Variants in SCRN1 observed in about 807,000 individuals in gnomAD.
SCRN1 encodes secernin 1.
SCRN1 carries 19 observed loss-of-function variants against 43.3 expected under a neutral mutation model. The observed-to-expected ratio is 0.44, with a 90% CI of 0.31 to 0.64. The LOEUF (loss-of-function observed/expected upper bound fraction) is 0.64, where lower values mean the gene tolerates loss of function less well. Ranked by LOEUF, SCRN1 falls within the 30% of genes least tolerant of loss-of-function variation. The pLI is 0.09. For missense variants in SCRN1, 447 were observed against 524.1 expected, an observed-to-expected ratio of 0.85 and a Z score of 1.44; for synonymous variants, 183 against 188.9, an observed-to-expected ratio of 0.97 and a Z score of 0.26.
chr7:29,931,112 C>T (rs1051026781), intron 6 of SCRN1, among the ~76,000 whole-genome samples: 1 of 152,238 alleles, frequency 6.6e-6, no homozygotes, highest in African/African-American at 2.4e-5. Context: ...TATACCATTA[C>T]CTCATCTGTC....
intron 4 of SCRN1, among the ~76,000 whole-genome samples, chr7:29,941,203 A>G (rs1187526841): frequency 2.6e-5 from 4 of 152,196 alleles, no homozygotes; most frequent in Non-Finnish European, 5.9e-5. Flanking sequence ...TACATGCAAA[A>G]AAAGGGACAG....
chr7:29,941,956 A>C (rs1298829003), intron 4 of SCRN1, among the ~76,000 whole-genome samples: 2 of 152,162 alleles, frequency 1.3e-5, no homozygotes, highest in African/African-American at 2.4e-5. Flanking sequence ...TTGCCTGAAA[A>C]CCAGTTCCTA....
In SCRN1 at chr7:29,932,688, C is replaced by T. The variant is rs572256050; in HGVS notation, c.905+3868G>A. The stretch of plus-strand genomic sequence containing the variant: ...AAAAAAAAAAAAAAAAAGATTAGTA[C>T]ACTGAGAGGAGAAGAGGAGGAAACA... On this transcript the variant is annotated intron_variant, in intron 6 of 7. Transcript: ENST00000242059. Among the ~76,000 whole-genome samples the T allele has an allele frequency of 9.7e-5, 12 of 124,136 alleles. 1 individual carries two copies. The East Asian group carries it at 2.8e-3, about 29-fold the overall frequency. 81.4% of individuals were successfully genotyped at this position (124,136 alleles called of 152,430 possible).
Position 29,936,600 on chromosome 7 carries a change from G to A in SCRN1, c.861C>T (p.Ser287=), listed in dbSNP as rs1287713679. ...SGVSVLPQNR[S]SPCIHYFTGT... Reference sequence around the variant, plus strand: ...CAGTGAAGTAGTGAATGCACGGAGAGCTTCTATTCTGCGGCAGGACAGACA... The same window carrying A: ...CAGTGAAGTAGTGAATGCACGGAGAACTTCTATTCTGCGGCAGGACAGACA... The change falls in exon 6 of 8, where the codon AGC becomes AGT. Residue 287 remains serine (S), a synonymous_variant. Transcript: ENST00000242059. 1 of 1,604,734 alleles carries A rather than the reference G, an allele frequency of 6.2e-7. No homozygotes were observed. The highest frequency in any genetic ancestry group is 8.5e-7 in the Non-Finnish European group (1 of 1,172,734).
At chr7:29,969,706 A>G in intron 1 of SCRN1, 2 of 416,276 alleles carry the variant, frequency 4.8e-6, no homozygotes, top group Non-Finnish European at 9.8e-6. Flanking sequence ...TCCTCATTTA[A>G]TGATCTTTTC....
chr7:29,925,916 T>C (rs1786935376), intron 7 of SCRN1, among the ~76,000 whole-genome samples: 2 of 151,288 alleles, frequency 1.3e-5, no homozygotes, highest in Non-Finnish European at 2.9e-5. Flanking sequence ...GTTTGTACTA[T>C]GGTAAAACAT....
rs1232770715 is a variant in SCRN1 at position 29,944,077 on chromosome 7, G to A, written c.444C>T (p.Asn148=). The change falls in exon 4 of 8, where the codon AAC becomes AAT. Residue 148 remains asparagine, a synonymous_variant. Coordinates refer to ENST00000242059, the MANE Select transcript of SCRN1 (RefSeq NM_014766.5). The part of the protein sequence containing the change: ...GQGGNYFEDA[N]SCHSFQSAYL... ...ATGCACTTTGGAAGCTGTGGCAGGA[G>A]TTTGCATCTTCAAAGTAATTCCCAC... is the stretch of plus-strand genomic sequence containing the variant. The A allele has an allele frequency of 1.2e-6, 2 of 1,614,192 alleles. No homozygotes were observed. Among genetic ancestry groups the A allele is most frequent in the South Asian group, 1.1e-5 (1 of 91,086 alleles).
intron 3 of SCRN1, among the ~76,000 whole-genome samples, chr7:29,953,369 G>C (rs1788021087): frequency 6.6e-6 from 1 of 152,054 alleles, no homozygotes; most frequent in Non-Finnish European, 1.5e-5. Context: ...TTGCTTTATT[G>C]GTTGATAATC....
At chr7:29,936,112 G>A (rs987075836) in intron 6 of SCRN1, among the ~76,000 whole-genome samples, 3 of 152,084 alleles carry the variant, frequency 2.0e-5, no homozygotes, top group African/African-American at 7.2e-5. Context: ...TATTGCCTCC[G>A]AACTGTTTTA....
chr7:29,982,410 T>C (rs1240085996), intron 1 of SCRN1, among the ~76,000 whole-genome samples: 1 of 152,106 alleles, frequency 6.6e-6, no homozygotes, highest in Non-Finnish European at 1.5e-5. Context: ...CCAGGTGCTA[T>C]AGCCCATGCC....
Position 29,923,911 on chromosome 7 carries a change from G to A in SCRN1, c.*46C>T. On this transcript the variant is annotated 3_prime_UTR_variant, in exon 8 of 8. Transcript: ENST00000242059. The stretch of plus-strand genomic sequence containing the variant: ...AGTGGTTTGTTTTGCTGGTAATTTA[G>A]TAAGGTGGGAAGTCTTAAATAAGAA... The A allele has an allele frequency of 6.5e-7, 1 of 1,542,254 alleles. No individual in the cohort carries two copies. The highest frequency in any genetic ancestry group is 1.2e-5 in the South Asian group (1 of 80,468).
intron 5 of SCRN1, among the ~76,000 whole-genome samples, chr7:29,938,025 T>A (rs531547495): frequency 6.6e-6 from 1 of 152,070 alleles, no homozygotes; most frequent in Non-Finnish European, 1.5e-5. Flanking sequence ...TCTTGTTTTT[T>A]CCCCTTGCAT....
chr7:29,969,456 C>A (rs889144855), intron 1 of SCRN1, among the ~76,000 whole-genome samples: 1 of 152,234 alleles, frequency 6.6e-6, no homozygotes, highest in Non-Finnish European at 1.5e-5. Flanking sequence ...TTAAAACTAA[C>A]TACACAAATG....
rs775042156 is a variant in SCRN1 at position 29,950,465 on chromosome 7, T to C, written c.341+4714A>G. ...TGATGGCAGGAGGCAGACAGTTTCC[T>C]GGGCGGAAAGGAGCAGGTCCCCAGT... On this transcript the variant is annotated intron_variant, in intron 3 of 7. Coordinates refer to ENST00000242059, the MANE Select transcript of SCRN1 (RefSeq NM_014766.5). The surrounding 1 kb of genome is among the most constrained non-coding windows in gnomAD (Gnocchi z 4.5). Among the ~76,000 whole-genome samples the C allele has an allele frequency of 3.3e-5, 5 of 152,200 alleles. No homozygotes were observed. The highest frequency in any genetic ancestry group is 7.3e-5 in the Non-Finnish European group (5 of 68,040).
chr7:29,925,336 G>C (rs1786906159), intron 7 of SCRN1, among the ~76,000 whole-genome samples: 1 of 152,146 alleles, frequency 6.6e-6, no homozygotes, highest in Admixed American at 6.5e-5. Flanking sequence ...TTATTGCTTG[G>C]ATTTTTCTCT....
intron 2 of SCRN1, among the ~76,000 whole-genome samples, chr7:29,957,249 TGAG>T (rs1788165030): frequency 6.6e-6 from 1 of 152,210 alleles, no homozygotes; most frequent in South Asian, 2.1e-4. Flanking sequence ...AGAAAATCAG[TGAG>T]GAGGCCCAGG....
intron 2 of SCRN1, among the ~76,000 whole-genome samples, chr7:29,964,217 A>G (rs998785998): frequency 3.3e-5 from 5 of 152,220 alleles, no homozygotes; most frequent in African/African-American, 9.6e-5. Flanking sequence ...CTGCACACAA[A>G]TATTTATAGC....
At chr7:29,948,492 A>G (rs1787808140) in intron 3 of SCRN1, among the ~76,000 whole-genome samples, 1 of 152,256 alleles carries the variant, frequency 6.6e-6, no homozygotes, top group African/African-American at 2.4e-5. Context: ...CAACCTAAAG[A>G]CAAACTACAG....
intron 3 of SCRN1, among the ~76,000 whole-genome samples, chr7:29,946,987 A>C (rs1787757419): frequency 6.6e-6 from 1 of 152,204 alleles, no homozygotes; most frequent in South Asian, 2.1e-4. Context: ...CACCTCCTAC[A>C]TGCGGCAGAT....
Sources: gnomAD v4.1 joint callset for allele counts (sites outside exome capture counted in the v4.1 genomes callset) on GRCh38, gnomAD v4.1.1 for gene constraint, Gnocchi (gnomAD v3.1) non-coding constraint, MANE v1.5 for transcripts, NCBI Gene and HGNC (gene_info 2026-07-23, HGNC 2026-07-21) for gene names.